The following WIPF1 variants were observed in gnomAD, a reference collection of about 807,000 sequenced individuals.
WIPF1 encodes the protein WAS/WASL interacting protein family member 1, also known as WAS/WASL-interacting protein family member 1.
In WIPF1, 13 loss-of-function variants were observed where a neutral mutation model predicts 35.4. The ratio of observed to expected loss-of-function variants is 0.37; its 90% CI spans 0.24 to 0.58. The LOEUF (loss-of-function observed/expected upper bound fraction) is 0.58. Among genes scored for constraint, WIPF1 ranks in the 20% least tolerant of loss-of-function variants. The pLI, the probability that WIPF1 is intolerant of heterozygous loss-of-function variation, is 0.74. For missense variants in WIPF1, 591 were observed against 667.0 expected (o/e 0.89, Z 1.25); for synonymous variants, 267 against 266.3 (o/e 1.00, Z -0.02).
At chr2:174,592,071 G>A (rs1194802304) in intron 1 of WIPF1, among the ~76,000 whole-genome samples, 3 of 152,208 alleles carry the variant, frequency 2.0e-5, no homozygotes, top group African/African-American at 7.2e-5. Flanking sequence ...TAGGAAAGCA[G>A]ACTCATCCCT....
intron 1 of WIPF1, among the ~76,000 whole-genome samples, chr2:174,592,183 G>C (rs1276044297): frequency 6.6e-6 from 1 of 152,206 alleles, no homozygotes; most frequent in Non-Finnish European, 1.5e-5. Flanking sequence ...ATTCTAGATT[G>C]CACTGCCTAG....
intron 1 of WIPF1, among the ~76,000 whole-genome samples, 157 bp from the exon 2 acceptor site, chr2:174,585,768 T>C (rs1559152296): frequency 6.6e-6 from 1 of 152,206 alleles, no homozygotes; most frequent in Non-Finnish European, 1.5e-5. Context: ...ATTACTGTTC[T>C]GGAAGGATCC....
At chr2:174,623,138 C>T (rs997524080) in intron 1 of WIPF1, among the ~76,000 whole-genome samples, 21 of 152,054 alleles carry the variant, frequency 1.4e-4, no homozygotes, top group Admixed American at 5.2e-4. Flanking sequence ...AATGGTAATA[C>T]ATATAAACAA....
intron 1 of WIPF1, among the ~76,000 whole-genome samples, chr2:174,621,198 G>A (rs1293761070): frequency 6.6e-6 from 1 of 152,062 alleles, no homozygotes; most frequent in Non-Finnish European, 1.5e-5. Context: ...GAGAGAGGCA[G>A]AATAAATATG....
intron 1 of WIPF1, among the ~76,000 whole-genome samples, chr2:174,630,915 C>A (rs978089024): frequency 1.3e-5 from 2 of 152,176 alleles, no homozygotes; most frequent in African/African-American, 4.8e-5. Flanking sequence ...CAGCCCAAGT[C>A]CCCTCTGCAT....
Position 174,571,543 on chromosome 2 carries a change from GT to G in WIPF1, c.1129+132del, listed in dbSNP as rs1490884369. ...ACGAGGTCACGATCACACGTGTCGT[GT>G]GCCACTTAAAAGCACAAAGCAGTCT... is the stretch of plus-strand genomic sequence containing the variant. On this transcript the variant is annotated intron_variant, in intron 5 of 7. Transcript: ENST00000679041. The surrounding 1 kb of genome is among the most constrained non-coding windows in gnomAD (Gnocchi z 4.6). 8.1e-6 allele frequency: 10 copies of G among 1,237,510 alleles called. No individual in the cohort carries two copies. The highest frequency in any genetic ancestry group is 1.5e-5 in the African/African-American group (1 of 67,352). The allele number at this position is 1,237,510 out of a possible 1,614,324, so 76.7% of individuals were successfully genotyped here. A position where few individuals can be genotyped will look rare whatever the true frequency, so the allele number is the denominator to read the frequency against.
At chr2:174,593,325 A>G (rs985905574) in intron 1 of WIPF1, among the ~76,000 whole-genome samples, 2 of 152,244 alleles carry the variant, frequency 1.3e-5, no homozygotes, top group African/African-American at 4.8e-5. Context: ...ATGTAACACA[A>G]AAGTGTTTTC....
At chr2:174,604,844 G>A (rs1260005389) in intron 1 of WIPF1, among the ~76,000 whole-genome samples, 1 of 152,190 alleles carries the variant, frequency 6.6e-6, no homozygotes, top group Non-Finnish European at 1.5e-5. Flanking sequence ...TTGGGATTAT[G>A]ATCCAGATCT....
chr2:174,682,876 A>G (rs1688288401), exon 1 of WIPF1: 1 of 152,062 alleles, frequency 6.6e-6, no homozygotes, highest in Admixed American at 6.6e-5. Flanking sequence ...CGGGCAGGAA[A>G]AGCGCTCAGC....
rs552779994 is a variant in WIPF1 at position 174,626,509 on chromosome 2, T to C, written c.-38-40898A>G. On this transcript the variant is annotated intron_variant, in intron 1 of 8. Coordinates refer to the WIPF1 transcript ENST00000272746. ...CATCTCCACTTGGCTGTCTGTCTCA[T>C]AGACATTTCAAACTCACTATATCCC... Among the ~76,000 whole-genome samples the C allele has an allele frequency of 8.5e-5, 13 of 152,314 alleles. No homozygotes were observed. The South Asian group carries it at 2.1e-3, about 24-fold the overall frequency.
chr2:174,617,530 A>G (rs369754053), intron 1 of WIPF1, among the ~76,000 whole-genome samples: 45 of 152,342 alleles, frequency 3.0e-4, no homozygotes, highest in African/African-American at 1.1e-3. Context: ...AATTTCTATC[A>G]GTCATGACTC....
intron 1 of WIPF1, among the ~76,000 whole-genome samples, chr2:174,614,459 A>G (rs1439797337): frequency 6.6e-6 from 1 of 152,212 alleles, no homozygotes; most frequent in Admixed American, 6.6e-5. Context: ...GACACATAAC[A>G]AACAGAGAGA....
chr2:174,577,797 T>C (rs1685107625), intron 3 of WIPF1, among the ~76,000 whole-genome samples: 1 of 152,028 alleles, frequency 6.6e-6, no homozygotes, highest in Non-Finnish European at 1.5e-5. Flanking sequence ...TGCATGCCTG[T>C]AGTCCCAGCT....
intron 3 of WIPF1, among the ~76,000 whole-genome samples, chr2:174,577,507 T>A (rs1293525294): frequency 1.3e-5 from 2 of 152,216 alleles, no homozygotes; most frequent in Non-Finnish European, 2.9e-5. Flanking sequence ...AGTCTGTGGA[T>A]CCTTCTATTT....
chr2:174,630,150 A>G (rs1383728264), intron 1 of WIPF1, among the ~76,000 whole-genome samples: 1 of 152,234 alleles, frequency 6.6e-6, no homozygotes, highest in Non-Finnish European at 1.5e-5. Context: ...TCCTACTATA[A>G]CAAATGACTC....
intron 1 of WIPF1, among the ~76,000 whole-genome samples, chr2:174,643,361 G>A (rs759204096): frequency 2.0e-5 from 3 of 149,232 alleles, no homozygotes; most frequent in Non-Finnish European, 4.4e-5. Context: ...CCACTATCAC[G>A]ATGAAAAACT....
rs1017142269 is a variant in WIPF1, at chr2:174,560,077, C to T, written c.*2470G>A. ...AAAATACTGTATTACATGTTGAATACATTTATCTGAAAATGTTATAAAAAA... is the reference window on the plus strand; with the variant it reads ...AAAATACTGTATTACATGTTGAATATATTTATCTGAAAATGTTATAAAAAA... On this transcript the variant is annotated 3_prime_UTR_variant, in exon 8 of 8. Coordinates refer to ENST00000679041, the MANE Select transcript of WIPF1 (RefSeq NM_001375834.1). The T allele has an allele frequency of 3.9e-5, 6 of 152,470 alleles. No individual in the cohort carries two copies. The highest frequency in any genetic ancestry group is 1.2e-4 in the African/African-American group (5 of 41,396). 9.4% of individuals were successfully genotyped at this position (152,470 alleles called of 1,614,324 possible).
rs1215179614 is a variant in WIPF1 at position 174,574,761 on chromosome 2, A to G, written c.358+443T>C. 7.6e-5 allele frequency: 50 copies of G among 657,352 alleles called. 2 individuals are homozygous for G. In the East Asian group the frequency reaches 1.3e-3, roughly 17 times the overall value. 40.7% of individuals were successfully genotyped at this position (657,352 alleles called of 1,614,324 possible). Reference sequence around the variant, plus strand: ...AAAACACTTTTTCAGATTTAGTGAGATTTGTAATCATATTCCACAAGATGT... The same window carrying G: ...AAAACACTTTTTCAGATTTAGTGAGGTTTGTAATCATATTCCACAAGATGT... On this transcript the variant is annotated intron_variant, in intron 4 of 7. Coordinates refer to ENST00000679041, the MANE Select transcript of WIPF1 (RefSeq NM_001375834.1).
chr2:174,646,162 T>C (rs892864964), intron 1 of WIPF1, among the ~76,000 whole-genome samples: 9 of 152,274 alleles, frequency 5.9e-5, no homozygotes, highest in East Asian at 1.9e-4. Context: ...GTTATGGAGA[T>C]TGGTGGCTTT....
Sources: gnomAD v4.1 joint callset for allele counts (sites outside exome capture counted in the v4.1 genomes callset) on GRCh38, gnomAD v4.1.1 for gene constraint, Gnocchi (gnomAD v3.1) non-coding constraint, MANE v1.5 for transcripts, NCBI Gene and HGNC (gene_info 2026-07-23, HGNC 2026-07-21) for gene names.